The following LRRFIP2 variants were observed in gnomAD, a reference collection of about 807,000 sequenced individuals.
LRRFIP2 encodes LRR binding FLII interacting protein 2.
A neutral mutation model predicts 125.9 loss-of-function variants in LRRFIP2; 109 were observed. The observed-to-expected ratio is 0.87, with a 90% confidence interval of 0.74 to 1.01. LRRFIP2 has a LOEUF of 1.01. LRRFIP2 is among the 50% of genes least tolerant of loss of function. The pLI is 0.00. For missense variants in LRRFIP2, 850 were observed against 862.3 expected (o/e 0.99, Z 0.18); for synonymous variants, 291 against 293.1 (o/e 0.99, Z 0.07).
rs2089414424 is a variant in LRRFIP2, at chr3:37,063,733, T to C, written c.1749+9A>G. The stretch of plus-strand genomic sequence containing the variant: ...AAATTATATTACACTCCAATAAGAA[T>C]GCCTTTACCTGTGACAGTAGTTCTT... On this transcript the variant is annotated intron_variant, in intron 24 of 27. Coordinates refer to ENST00000336686, the MANE Select transcript of LRRFIP2 (RefSeq NM_006309.4). The C allele has an allele frequency of 3.7e-6, 6 of 1,601,632 alleles. No homozygotes were observed. The highest frequency in any genetic ancestry group is 1.7e-5 in the Admixed American group (1 of 59,950).
chr3:37,161,197 A>C (rs2096332552), intron 1 of LRRFIP2, among the ~76,000 whole-genome samples: 1 of 151,338 alleles, frequency 6.6e-6, no homozygotes, highest in Admixed American at 6.6e-5. Context: ...AAAAAAAAAA[A>C]AAGCAAAGAT....
At chr3:37,134,422 G>A (rs1468801848) in intron 2 of LRRFIP2, among the ~76,000 whole-genome samples, 2 of 152,176 alleles carry the variant, frequency 1.3e-5, no homozygotes, top group East Asian at 1.9e-4. Flanking sequence ...ATTTGGGGGT[G>A]GAACCCCATT....
intron 13 of LRRFIP2, among the ~76,000 whole-genome samples, chr3:37,107,221 T>C (rs1040122597): frequency 2.0e-5 from 3 of 152,150 alleles, no homozygotes; most frequent in Admixed American, 2.0e-4. Flanking sequence ...TTTTAAAATG[T>C]ATACTTACGC....
chr3:37,133,645 G>A (rs2043481444), intron 2 of LRRFIP2, among the ~76,000 whole-genome samples: 3 of 152,044 alleles, frequency 2.0e-5, no homozygotes, highest in Admixed American at 2.0e-4. Context: ...CTGAGGGTAG[G>A]GGGAAATGGG....
intron 20 of LRRFIP2, among the ~76,000 whole-genome samples, chr3:37,074,402 T>C (rs1311457216): frequency 1.3e-5 from 2 of 152,158 alleles, no homozygotes; most frequent in Admixed American, 6.5e-5. Context: ...TCTAAAAACA[T>C]CGTCTCAGGA....
intron 8 of LRRFIP2, 43 bp from the exon 9 acceptor site, chr3:37,111,108 TTAA>T: frequency 6.5e-7 from 1 of 1,527,216 alleles, no homozygotes; most frequent in Non-Finnish European, 9.0e-7. Context: ...AGGCTAAATG[TTAA>T]TAACCTAACA....
At chr3:37,078,535 A>C (rs2092333359) in intron 19 of LRRFIP2, among the ~76,000 whole-genome samples, 1 of 152,208 alleles carries the variant, frequency 6.6e-6, no homozygotes, top group Non-Finnish European at 1.5e-5. Context: ...TGTAAGACAG[A>C]AGAGGTTAAA....
At chr3:37,101,218 G>A (rs1048298192) in intron 15 of LRRFIP2, among the ~76,000 whole-genome samples, 1 of 151,902 alleles carries the variant, frequency 6.6e-6, no homozygotes, top group African/African-American at 2.4e-5. Flanking sequence ...TTAGCCAGGC[G>A]TGGTGGCAGA....
chr3:37,164,327 T>C (rs925215126), intron 1 of LRRFIP2, among the ~76,000 whole-genome samples: 1 of 152,184 alleles, frequency 6.6e-6, no homozygotes, highest in African/African-American at 2.4e-5. Flanking sequence ...GAAAGTGGGA[T>C]GAAATAGTGA....
chr3:37,122,204 G>T (rs2095084074), intron 4 of LRRFIP2, among the ~76,000 whole-genome samples: 1 of 151,628 alleles, frequency 6.6e-6, no homozygotes, highest in Admixed American at 6.6e-5. Context: ...TGCTGAGAAT[G>T]ATGGTTTCCA....
chr3:37,105,926 A>G (rs949818134), intron 13 of LRRFIP2, among the ~76,000 whole-genome samples: 3 of 152,108 alleles, frequency 2.0e-5, no homozygotes, highest in Non-Finnish European at 4.4e-5. Context: ...TTAGCCGGGT[A>G]TGGTGGCGGG....
intron 2 of LRRFIP2, among the ~76,000 whole-genome samples, chr3:37,142,410 G>GT (rs1379454282): frequency 1.3e-5 from 2 of 152,132 alleles, no homozygotes; most frequent in Non-Finnish European, 2.9e-5. Context: ...TGGTCCCAAA[G>GT]TGCTAGAATT....
At position 37,072,824 on chromosome 3, in the gene LRRFIP2, T is replaced by A. The variant is rs2091464439; in HGVS notation, c.1430A>T (p.Gln477Leu). 1 of 1,613,420 alleles carries A rather than the reference T, an allele frequency of 6.2e-7. No individual in the cohort carries two copies. Residue 477 changes from glutamine to leucine, a missense_variant, in exon 21 of 28, where the codon CAG becomes CTG. Gln to Leu is a moderately radical substitution (Grantham distance 113, BLOSUM62 -2). Transcript: ENST00000336686. ...DTMTKEVFDL[Q>L]ETLLWKDKKI... The stretch of plus-strand genomic sequence containing the variant: ...TTTATCTTTCCAAAGAAGTGTCTCC[T>A]GGAGGTCAAACACCTCTTTTGTCAT...
chr3:37,072,763 TA>T, intron 21 of LRRFIP2, 26 bp downstream of exon 21: 3 of 1,437,796 alleles, frequency 2.1e-6, no homozygotes, highest in South Asian at 2.3e-5. Context: ...AATGAGCTTC[TA>T]ACCAAAGCCC....
chr3:37,165,681 G>A (rs887537371), intron 1 of LRRFIP2, among the ~76,000 whole-genome samples: 1 of 151,550 alleles, frequency 6.6e-6, no homozygotes, highest in African/African-American at 2.4e-5. Flanking sequence ...GAACCCAGGA[G>A]GTGGTGGAGG....
intron 1 of LRRFIP2, among the ~76,000 whole-genome samples, chr3:37,149,461 G>A (rs1480449104): frequency 6.6e-6 from 1 of 152,050 alleles, no homozygotes; most frequent in African/African-American, 2.4e-5. Context: ...AGGTTGTAGT[G>A]AGCCAAGATT....
intron 2 of LRRFIP2, among the ~76,000 whole-genome samples, chr3:37,130,516 T>C (rs147047877): frequency 2.0e-5 from 3 of 152,280 alleles, no homozygotes; most frequent in East Asian, 1.9e-4. Context: ...AGTCCAGTAG[T>C]TCCCCCCTTA....
At chr3:37,054,616 T>TC (rs2086272236) in intron 26 of LRRFIP2, 101 bp from the exon 27 acceptor site, 1 of 713,460 alleles carries the variant, frequency 1.4e-6, no homozygotes, top group South Asian at 1.7e-5. Context: ...TGCCAAGTAA[T>TC]CTACTAACAA....
At chr3:37,142,684 T>C (rs1183501579) in intron 2 of LRRFIP2, among the ~76,000 whole-genome samples, 4 of 152,218 alleles carry the variant, frequency 2.6e-5, no homozygotes, top group Non-Finnish European at 4.4e-5. Context: ...TCACAATTTG[T>C]AGCAGGTTTC....
Sources: gnomAD v4.1 joint callset for allele counts (sites outside exome capture counted in the v4.1 genomes callset) on GRCh38, gnomAD v4.1.1 for gene constraint, MANE v1.5 for transcripts, NCBI Gene and HGNC (gene_info 2026-07-23, HGNC 2026-07-21) for gene names.